The following GYS1 variants were observed in gnomAD, a reference collection of about 807,000 sequenced individuals.
The protein encoded by GYS1 is glycogen [starch] synthase, muscle.
In GYS1, 60 loss-of-function variants were observed where a neutral mutation model predicts 89.1. That is an observed-to-expected ratio of 0.67 (90% CI 0.55 to 0.84). The LOEUF (loss-of-function observed/expected upper bound fraction) is 0.84. Among genes scored for constraint, GYS1 ranks in the 40% least tolerant of loss-of-function variants. GYS1 has a pLI of 0.00. For synonymous variants in GYS1, 366 were observed against 401.7 expected, an observed-to-expected ratio of 0.91 and a Z score of 1.06; for missense variants, 888 against 1,003.1, an observed-to-expected ratio of 0.89 and a Z score of 1.55.
chr19:48,979,875 G>A (rs142160595), intron 8 of GYS1, among the ~76,000 whole-genome samples: 266 of 151,280 alleles, frequency 1.8e-3, no homozygotes, highest in African/African-American at 5.9e-3. Flanking sequence ...TCAAACTCCC[G>A]ACCTCAGGTG....
At chr19:48,973,490 A>G (rs1221878333) in intron 12 of GYS1, among the ~76,000 whole-genome samples, 1 of 150,834 alleles carries the variant, frequency 6.6e-6, no homozygotes, top group African/African-American at 2.4e-5. Flanking sequence ...AGGAAATGGC[A>G]CTAATTTAGC....
intron 2 of GYS1, among the ~76,000 whole-genome samples, chr19:48,988,864 C>T (rs1568625580): frequency 6.6e-6 from 1 of 152,044 alleles, no homozygotes; most frequent in Non-Finnish European, 1.5e-5. Flanking sequence ...TACCAAAGTG[C>T]TGGGATTACA....
chr19:48,969,144 G>A lies in GYS1; in HGVS notation c.*144C>T. 5.7e-6 allele frequency: 4 copies of A among 696,574 alleles called. No individual in the cohort carries two copies. Among genetic ancestry groups the A allele is most frequent in the Non-Finnish European group, 7.2e-6 (3 of 416,826 alleles). The allele number at this position is 696,574 out of a possible 1,614,324, so 43.1% of individuals were successfully genotyped here. ...GAACTTGGAAACTGGAGCTGGAGGG[G>A]GTGGAGTGTTTGGCGGACTGGGTGG... On this transcript the variant is annotated 3_prime_UTR_variant, in exon 16 of 16. Coordinates refer to ENST00000323798, the MANE Select transcript of GYS1 (RefSeq NM_002103.5).
intron 5 of GYS1, 136 bp from the exon 6 acceptor site, chr19:48,982,973 T>C: frequency 1.4e-6 from 1 of 715,632 alleles, no homozygotes; most frequent in East Asian, 2.5e-5. Context: ...AGGTCCCCCC[T>C]CCCACCTTTT....
At chr19:48,970,118 G>A (rs947710491) in intron 14 of GYS1, among the ~76,000 whole-genome samples, 3 of 152,102 alleles carry the variant, frequency 2.0e-5, no homozygotes, top group East Asian at 1.9e-4. Flanking sequence ...GAGAACGCCT[G>A]ACCAATGTTC....
At chr19:48,970,162 A>C (rs1028377382) in intron 14 of GYS1, 6 of 484,630 alleles carry the variant, frequency 1.2e-5, no homozygotes, top group South Asian at 4.4e-5. Flanking sequence ...TTGTTCTGTT[A>C]CTCTAGGATG....
At chr19:48,971,431 A>T (rs557385259) in intron 12 of GYS1, among the ~76,000 whole-genome samples, 1 of 152,208 alleles carries the variant, frequency 6.6e-6, no homozygotes, top group African/African-American at 2.4e-5. Context: ...ATGGGGGGTA[A>T]GATAAGGTCT....
intron 3 of GYS1, among the ~76,000 whole-genome samples, chr19:48,986,893 T>C (rs1013834174): frequency 6.6e-5 from 10 of 152,330 alleles, no homozygotes; most frequent in Middle Eastern, 3.4e-3. Context: ...ATCTGAGAGC[T>C]GAGTCCAGCA....
Position 48,991,392 on chromosome 19 carries a change from C to G in GYS1, c.210G>C (p.Glu70Asp). Reference protein sequence around the residue: ...DNYFLVGPYTEQGVRTQVELL... With the variant: ...DNYFLVGPYTDQGVRTQVELL... ...GTTCCACCTGGGTCCTCACGCCCTG[C>G]TCCGTGTACGGCCCCACCAGGAAGT... Residue 70 changes from glutamate (E) to aspartate (D), a missense_variant, in exon 2 of 16, where the codon GAG (glutamate) becomes GAC (aspartate). Glu to Asp is a conservative substitution (Grantham distance 45). Transcript: ENST00000323798. The surrounding 1 kb of genome is among the most constrained non-coding windows in gnomAD (Gnocchi z 4.7). 4 of 1,614,154 alleles carry G rather than the reference C, an allele frequency of 2.5e-6. No individual in the cohort carries two copies. Among genetic ancestry groups the G allele is most frequent in the Non-Finnish European group, 3.4e-6 (4 of 1,180,044 alleles).
chr19:48,979,178 C>T (rs73577737), intron 8 of GYS1, among the ~76,000 whole-genome samples: 3,165 of 151,958 alleles, frequency 0.021, 103 homozygotes, highest in African/African-American at 0.07. Context: ...CCATTTTATA[C>T]GAAAAGAAAG....
chr19:48,970,259 G>A (rs559986358), intron 14 of GYS1: 96 of 472,870 alleles, frequency 2.0e-4, no homozygotes, highest in African/African-American at 1.8e-3. Flanking sequence ...CCAGTAGCTG[G>A]GACTACAGGC....
chr19:48,987,084 A>T, intron 3 of GYS1, 110 bp downstream of exon 3: 1 of 799,594 alleles, frequency 1.3e-6, no homozygotes, highest in East Asian at 2.6e-5. Flanking sequence ...TCCTTGGATT[A>T]AAGGACCCTA....
intron 8 of GYS1, among the ~76,000 whole-genome samples, chr19:48,978,869 G>T (rs2038703189): frequency 6.6e-6 from 1 of 152,126 alleles, no homozygotes. Flanking sequence ...GGAAACTGAG[G>T]TGTGAGCAGG....
rs1474628234 is a variant in GYS1, at chr19:48,969,508, T to C, written c.1994A>G (p.Asn665Ser). The C allele has an allele frequency of 1.1e-5, 17 of 1,544,302 alleles. No individual in the cohort carries two copies. The highest frequency in any genetic ancestry group is 2.4e-5 in the East Asian group (1 of 40,918). Residue 665 changes from asparagine to serine, a missense_variant, in exon 16 of 16, where the codon AAC becomes AGC. Transcript: ENST00000323798. ...HQSEDEEDPR[N>S]GPLEEDGERY... is the part of the protein sequence containing the mutation. ...CTCGCCGTCTTCCTCCAGCGGCCCGTTCCGGGGATCCTCCTCGTCCTCACT... is the reference window on the plus strand; with the variant it reads ...CTCGCCGTCTTCCTCCAGCGGCCCGCTCCGGGGATCCTCCTCGTCCTCACT...
intron 10 of GYS1, among the ~76,000 whole-genome samples, chr19:48,977,718 A>G (rs1185290171): frequency 6.6e-6 from 1 of 152,224 alleles, no homozygotes; most frequent in African/African-American, 2.4e-5. Flanking sequence ...CACAGAAAAC[A>G]GCCCACCCTA....
chr19:48,970,530 A>G lies in GYS1; in HGVS notation c.1809+16T>C, dbSNP rs757485951. On this transcript the variant is annotated intron_variant, in intron 14 of 15. Transcript: ENST00000323798. The stretch of plus-strand genomic sequence containing the variant: ...TGCTGATTTGCCAGGAGAGGATAGG[A>G]AAGTGGGGGTCCTACCCGGCCTAGG... The G allele has an allele frequency of 9.9e-6, 16 of 1,611,788 alleles. No individual in the cohort carries two copies. Among genetic ancestry groups the G allele is most frequent in the Non-Finnish European group, 9.3e-6 (11 of 1,178,752 alleles).
intron 10 of GYS1, among the ~76,000 whole-genome samples, chr19:48,975,869 G>A (rs1179620241): frequency 2.7e-4 from 35 of 130,988 alleles, no homozygotes; most frequent in Admixed American, 1.1e-3. Context: ...CCAAGATCGC[G>A]CCACTGCACT....
chr19:48,991,213 C>A lies in GYS1; in HGVS notation c.300+89G>T. ...AGCCTGCCTCGCTCTCTGGCTGGGG[C>A]TGTCCACCCTGCACCCTCTCCGTCT... On this transcript the variant is annotated intron_variant, in intron 2 of 15. Transcript: ENST00000323798. This position sits in a 1 kb window ranked among gnomAD's most constrained non-coding sequence, Gnocchi z 4.7. 1 of 1,384,726 alleles carries A rather than the reference C, an allele frequency of 7.2e-7. No homozygotes were observed. The highest frequency in any genetic ancestry group is 1.4e-5 in the African/African-American group (1 of 70,934). 85.8% of individuals were successfully genotyped at this position (1,384,726 alleles called of 1,614,324 possible).
intron 2 of GYS1, among the ~76,000 whole-genome samples, chr19:48,989,503 T>G (rs2038890307): frequency 6.8e-6 from 1 of 147,490 alleles, no homozygotes; most frequent in Admixed American, 6.7e-5. Flanking sequence ...AAAAAAATTA[T>G]GGCTCACTAC....
Sources: gnomAD v4.1 joint callset for allele counts (sites outside exome capture counted in the v4.1 genomes callset) on GRCh38, gnomAD v4.1.1 for gene constraint, Gnocchi (gnomAD v3.1) non-coding constraint, MANE v1.5 for transcripts, NCBI Gene and HGNC (gene_info 2026-07-23, HGNC 2026-07-21) for gene names.